The following CADM2 variants were observed in gnomAD, a reference collection of about 807,000 sequenced individuals.
The protein encoded by CADM2 is cell adhesion molecule 2.
Under a neutral mutation model 49.8 loss-of-function variants are expected in CADM2, and 12 were observed. The ratio of observed to expected loss-of-function variants is 0.24; its 90% confidence interval spans 0.15 to 0.39. CADM2 has a LOEUF of 0.39. CADM2 is among the 10% of genes least tolerant of loss of function. CADM2 has a pLI of 1.00. For missense variants in CADM2, 378 were observed against 492.3 expected (o/e 0.77, Z 2.20); for synonymous variants, 214 against 175.4 (o/e 1.22, Z -1.74).
At chr3:85,362,144 T>C (rs1203777021) in intron 1 of CADM2, among the ~76,000 whole-genome samples, 2 of 152,308 alleles carry the variant, frequency 1.3e-5, no homozygotes, top group East Asian at 3.9e-4. Context: ...AAATTAGGCA[T>C]ATGGAATATC....
intron 1 of CADM2, among the ~76,000 whole-genome samples, chr3:85,199,370 T>TGAGAGAGAGAGAGAGAGAGAGAGAGA (rs59939815): frequency 2.9e-5 from 4 of 140,168 alleles, no homozygotes; most frequent in South Asian, 2.2e-4. Flanking sequence ...TGTGTGTGTA[T>TGAGAGAGAGAGAGAGAGAGAGAGAGA]GAGAGAGAGA....
chr3:85,240,877 A>G (rs78629962), intron 1 of CADM2, among the ~76,000 whole-genome samples: 59 of 151,674 alleles, frequency 3.9e-4, no homozygotes, highest in African/African-American at 1.4e-3. Context: ...AGTTGTACAT[A>G]TCTTTGGGGT....
At chr3:85,517,387 T>C (rs2060929917) in intron 1 of CADM2, among the ~76,000 whole-genome samples, 1 of 152,118 alleles carries the variant, frequency 6.6e-6, no homozygotes, top group South Asian at 2.1e-4. Flanking sequence ...TTTTGAATTC[T>C]AGGATTTATA....
At chr3:85,908,258 T>C (rs73132606) in intron 5 of CADM2, among the ~76,000 whole-genome samples, 9,601 of 41,006 alleles carry the variant, frequency 0.23, 704 homozygotes, top group African/African-American at 0.42. Flanking sequence ...TTTCTTCTTT[T>C]TTTTTTTTTT....
chr3:85,541,100 T>G (rs965883321), intron 1 of CADM2, among the ~76,000 whole-genome samples: 1 of 151,262 alleles, frequency 6.6e-6, no homozygotes, highest in Non-Finnish European at 1.5e-5. Flanking sequence ...ATTATTATAA[T>G]AAAATATAAT....
intron 6 of CADM2, among the ~76,000 whole-genome samples, chr3:85,920,124 A>C (rs974449199): frequency 6.6e-6 from 1 of 151,856 alleles, no homozygotes; most frequent in Non-Finnish European, 1.5e-5. Context: ...ACCTTTCTAC[A>C]TATTATATAT....
Position 85,219,939 on chromosome 3 carries a change from G to T in CADM2, c.61+260271G>T, listed in dbSNP as rs73845408. Among the ~76,000 whole-genome samples, 593 of 152,164 alleles carry T rather than the reference G, an allele frequency of 3.9e-3. 3 individuals carry two copies. The highest frequency in any genetic ancestry group is 0.013 in the African/African-American group (530 of 41,552). ...TTTATTTTAAGCTTCATGGAGTTTT[G>T]AATAAGTAAGTATGCATATGAAATC... On this transcript the variant is annotated intron_variant, in intron 1 of 9. Coordinates refer to ENST00000383699, the MANE Select transcript of CADM2 (RefSeq NM_001167675.2).
At chr3:85,175,123 A>C (rs560103477) in intron 1 of CADM2, among the ~76,000 whole-genome samples, 1 of 152,336 alleles carries the variant, frequency 6.6e-6, no homozygotes, top group African/African-American at 2.4e-5. Flanking sequence ...AATACATAAC[A>C]AATGAACACA....
At chr3:85,512,538 T>C (rs2040667147) in intron 1 of CADM2, among the ~76,000 whole-genome samples, 1 of 152,090 alleles carries the variant, frequency 6.6e-6, no homozygotes, top group South Asian at 2.1e-4. Flanking sequence ...ATTTCTAAAA[T>C]ATTTATTAAC....
At chr3:85,471,443 T>C (rs1025614085) in intron 1 of CADM2, among the ~76,000 whole-genome samples, 1 of 152,034 alleles carries the variant, frequency 6.6e-6, no homozygotes, top group Non-Finnish European at 1.5e-5. Context: ...CTTGTTAAAA[T>C]TATATTAGTG....
chr3:85,371,675 GTGTATATA>G (rs1369883347), intron 1 of CADM2, among the ~76,000 whole-genome samples: 1 of 103,204 alleles, frequency 9.7e-6, no homozygotes, highest in Non-Finnish European at 1.9e-5. Flanking sequence ...GTGTGTGTGT[GTGTATATA>G]TATATATATA....
intron 1 of CADM2, among the ~76,000 whole-genome samples, chr3:85,668,087 C>T (rs2065624861): frequency 6.6e-6 from 1 of 151,762 alleles, no homozygotes; most frequent in Non-Finnish European, 1.5e-5. Flanking sequence ...GTTTTTATAG[C>T]AAGTTTTCCA....
chr3:85,033,256 C>T (rs965891615), intron 1 of CADM2, among the ~76,000 whole-genome samples: 2 of 152,170 alleles, frequency 1.3e-5, no homozygotes, highest in Admixed American at 6.5e-5. Flanking sequence ...TATTCCCTAA[C>T]GACGCATTAC....
At chr3:85,826,527 G>A (rs2108210664) in intron 3 of CADM2, among the ~76,000 whole-genome samples, 1 of 152,020 alleles carries the variant, frequency 6.6e-6, no homozygotes. Flanking sequence ...GTTTTAATAG[G>A]CAGAAGTTAA....
intron 3 of CADM2, among the ~76,000 whole-genome samples, chr3:85,833,135 C>G (rs1051786759): frequency 1.3e-5 from 2 of 151,812 alleles, no homozygotes; most frequent in Non-Finnish European, 2.9e-5. Context: ...TTTATGTATA[C>G]TAAACCATCA....
intron 1 of CADM2, among the ~76,000 whole-genome samples, chr3:85,447,458 G>T (rs1302774385): frequency 6.6e-6 from 1 of 152,054 alleles, no homozygotes; most frequent in Non-Finnish European, 1.5e-5. Context: ...AGGTTGCATT[G>T]TTCTGAATCA....
At chr3:85,689,533 GAGA>G (rs2107677120) in intron 1 of CADM2, among the ~76,000 whole-genome samples, 1 of 152,318 alleles carries the variant, frequency 6.6e-6, no homozygotes, top group South Asian at 2.1e-4. Context: ...CGGTTTACCA[GAGA>G]AGAAGTTATC....
chr3:85,514,539 A>G (rs1397648747), intron 1 of CADM2, among the ~76,000 whole-genome samples: 1 of 152,086 alleles, frequency 6.6e-6, no homozygotes, highest in Non-Finnish European at 1.5e-5. Context: ...GATTACATGC[A>G]CTGTAACTCT....
At chr3:85,181,445 G>A (rs1182427026) in intron 1 of CADM2, among the ~76,000 whole-genome samples, 1 of 152,062 alleles carries the variant, frequency 6.6e-6, no homozygotes, top group Non-Finnish European at 1.5e-5. Flanking sequence ...AGTAGTATTT[G>A]TTAGAAAACT....
Sources: allele counts gnomAD v4.1 joint callset (sites outside exome capture counted in the v4.1 genomes callset), GRCh38; gene constraint gnomAD v4.1.1; transcripts MANE v1.5; gene names NCBI Gene and HGNC (gene_info 2026-07-23, HGNC 2026-07-21).